SMG5: variants seen among roughly 807,000 people sequenced by gnomAD.
SMG5 encodes nonsense-mediated mRNA decay factor SMG5.
SMG5 carries 53 observed loss-of-function variants against 122.9 expected under a neutral mutation model. The observed-to-expected ratio is 0.43, with a 90% confidence interval of 0.35 to 0.54. SMG5 has a LOEUF of 0.54. Ranked by LOEUF, SMG5 falls within the 20% of genes least tolerant of loss-of-function variation. The pLI, the probability that SMG5 is intolerant of heterozygous loss-of-function variation, is 0.01. For synonymous variants in SMG5, 477 were observed against 490.2 expected (o/e 0.97, Z 0.35); for missense variants, 1,153 against 1,285.6 (o/e 0.90, Z 1.58).
chr1:156,272,800 G>A (rs1402372208), intron 6 of SMG5, among the ~76,000 whole-genome samples: 6 of 151,972 alleles, frequency 3.9e-5, no homozygotes, highest in African/African-American at 1.5e-4. Context: ...TCCTGACGTC[G>A]TGATCTGCCC....
chr1:156,282,541 A>T (rs1663003333), intron 1 of SMG5, 66 bp downstream of exon 1: 5 of 1,347,850 alleles, frequency 3.7e-6, no homozygotes, highest in African/African-American at 1.5e-5. Context: ...CCCGCCCGGG[A>T]GGCCCCGCCC....
At chr1:156,269,732 G>A (rs1295124100) in intron 7 of SMG5, among the ~76,000 whole-genome samples, 1 of 152,140 alleles carries the variant, frequency 6.6e-6, no homozygotes, top group Admixed American at 6.5e-5. Context: ...AAAATTAGCC[G>A]GGCGTGTTGG....
At chr1:156,277,690 C>T (rs10908493) in intron 3 of SMG5, among the ~76,000 whole-genome samples, 36,623 of 151,606 alleles carry the variant, frequency 0.24, 4,905 homozygotes, top group Non-Finnish European at 0.29. Context: ...TTTTGTATTT[C>T]TAGTAGAGAT....
Position 156,259,062 on chromosome 1 carries a change from G to A in SMG5, c.2385C>T (p.Ser795=). Residue 795 remains serine (S), a synonymous_variant, in exon 16 of 22, where the codon AGC becomes AGT. Transcript: ENST00000361813. ...GGCTCTCCTGCTCAGACTGGGCAATGCTGACGAAGATGCCAACCTCTGGGT... is the reference window on the plus strand; with the variant it reads ...GGCTCTCCTGCTCAGACTGGGCAATACTGACGAAGATGCCAACCTCTGGGT... ...QFNPEVGIFV[S]IAQSEQESLL... 6.2e-7 allele frequency: 1 copy of A among 1,613,224 alleles called. No individual in the cohort carries two copies. Among genetic ancestry groups the A allele is most frequent in the Non-Finnish European group, 8.5e-7 (1 of 1,179,686 alleles).
At chr1:156,254,562 GCCC>G (rs1404539471) in intron 16 of SMG5, among the ~76,000 whole-genome samples, 1 of 152,082 alleles carries the variant, frequency 6.6e-6, no homozygotes. Context: ...TCCTGCCTCA[GCCC>G]CCCAACTAGC....
At position 156,273,434 on chromosome 1, in the gene SMG5, T is replaced by C; in HGVS notation, c.561A>G (p.Glu187=). The C allele has an allele frequency of 1.2e-6, 2 of 1,614,006 alleles. No individual in the cohort carries two copies. Among genetic ancestry groups the C allele is most frequent in the South Asian group, 2.2e-5 (2 of 91,066 alleles). Residue 187 remains glutamate (E), a synonymous_variant, in exon 6 of 22, where the codon GAA becomes GAG. Transcript: ENST00000361813. ...GCAGCTCGGTATCTACGCCAGCTAA[T>C]TCATTCTGATATCGGGCTGCACAAG... ...YLGDLSRYQN[E]LAGVDTELLA...
At chr1:156,275,647 C>T (rs1053528303) in intron 4 of SMG5, among the ~76,000 whole-genome samples, 9 of 152,182 alleles carry the variant, frequency 5.9e-5, no homozygotes, top group Non-Finnish European at 8.8e-5. Flanking sequence ...TTTATAGACA[C>T]TTCTCAGTTG....
chr1:156,291,007 G>GT, the SMG5 span: 2 of 225,634 alleles, frequency 8.9e-6, no homozygotes, highest in Admixed American at 5.1e-5. Context: ...AGGTGTGGTG[G>GT]CCCGCATCTG....
rs568127096 is a variant in SMG5 at position 156,255,322 on chromosome 1, C to T, written c.2443-1814G>A. Among the ~76,000 whole-genome samples the T allele has an allele frequency of 3.3e-5, 5 of 151,272 alleles. No individual in the cohort carries two copies. The East Asian group carries it at 5.9e-4, about 18-fold the overall frequency. On this transcript the variant is annotated intron_variant, in intron 16 of 21. Transcript: ENST00000361813. ...TTGGGAGGCTGAGGCGGGTAGATCACGAGGTCAGGAGTTCGAGACCAGCCT... is the reference window on the plus strand; with the variant it reads ...TTGGGAGGCTGAGGCGGGTAGATCATGAGGTCAGGAGTTCGAGACCAGCCT...
upstream of SMG5, chr1:156,285,531 C>G: frequency 6.2e-7 from 1 of 1,614,214 alleles, no homozygotes; most frequent in Non-Finnish European, 8.5e-7. Flanking sequence ...CCAGAGCCCC[C>G]TGAGTCAGAA....
Position 156,267,635 on chromosome 1 carries a change from C to T in SMG5, c.952G>A (p.Glu318Lys). The T allele has an allele frequency of 6.2e-7, 1 of 1,612,800 alleles. No individual in the cohort carries two copies. Among genetic ancestry groups the T allele is most frequent in the South Asian group, 1.1e-5 (1 of 90,986 alleles). ...ELTSLCQSVLEDFNLCLFYLP... is the reference protein window; with the variant it reads ...ELTSLCQSVLKDFNLCLFYLP... ...TAGAAGAGGCAGAGGTTGAAGTCCTCCAGGACTGACTGGCAAAGTGAGGTC... is the reference window on the plus strand; with the variant it reads ...TAGAAGAGGCAGAGGTTGAAGTCCTTCAGGACTGACTGGCAAAGTGAGGTC... The change falls in exon 10 of 22, where the codon GAG becomes AAG. Residue 318 changes from glutamate to lysine, a missense_variant. By Grantham distance (56) the Glu-to-Lys change is moderately conservative (BLOSUM62 1). Around this residue, in one of 5 missense-constraint regions of SMG5, gnomAD observed 631 missense variants for 650.6 expected, o/e 0.97. Transcript: ENST00000361813.
chr1:156,272,168 TG>T, intron 7 of SMG5, 151 bp downstream of exon 7: 1 of 683,236 alleles, frequency 1.5e-6, no homozygotes, highest in East Asian at 2.8e-5. Flanking sequence ...AGCAGGGCTG[TG>T]TCAGAGTCCC....
At chr1:156,289,100 T>A in the SMG5 span, among the ~76,000 whole-genome samples, 1 of 152,210 alleles carries the variant, frequency 6.6e-6, no homozygotes, top group Non-Finnish European at 1.5e-5. Flanking sequence ...ATTAAGCAGT[T>A]TGTGCCTCAG....
intron 15 of SMG5, among the ~76,000 whole-genome samples, chr1:156,259,395 A>G (rs561400755): frequency 6.6e-6 from 1 of 152,318 alleles, no homozygotes; most frequent in African/African-American, 2.4e-5. Flanking sequence ...TCCTAGGAGG[A>G]CCAGAAAACC....
chr1:156,267,430 A>C, intron 10 of SMG5, 40 bp downstream of exon 10: 1 of 1,599,658 alleles, frequency 6.3e-7, no homozygotes, highest in Non-Finnish European at 8.6e-7. Context: ...AGGATCCCCA[A>C]AGCCAGTGGA....
the SMG5 span, among the ~76,000 whole-genome samples, chr1:156,287,952 T>C: frequency 6.6e-6 from 1 of 151,778 alleles, no homozygotes; most frequent in African/African-American, 2.4e-5. Context: ...TGCCATCACC[T>C]AAAATCCTTA....
At chr1:156,254,373 C>G (rs1233012359) in intron 16 of SMG5, among the ~76,000 whole-genome samples, 2 of 152,206 alleles carry the variant, frequency 1.3e-5, no homozygotes, top group Non-Finnish European at 2.9e-5. Flanking sequence ...TTAGTATGGT[C>G]TATAAGATGA....
intron 16 of SMG5, among the ~76,000 whole-genome samples, chr1:156,256,280 G>A (rs552432903): frequency 6.7e-6 from 1 of 150,046 alleles, no homozygotes; most frequent in South Asian, 2.1e-4. Flanking sequence ...GAAGCAGAAG[G>A]CCAGAGCCTA....
intron 7 of SMG5, 41 bp from the exon 8 acceptor site, chr1:156,268,456 G>A (rs1274728296): frequency 1.2e-6 from 2 of 1,607,190 alleles, no homozygotes; most frequent in Admixed American, 3.4e-5. Flanking sequence ...TTGGCAGGGG[G>A]AGGATATGTT....
Sources: gnomAD v4.1 joint callset for allele counts (sites outside exome capture counted in the v4.1 genomes callset) on GRCh38, gnomAD v4.1.1 for gene constraint, gnomAD v4.1.1 regional missense constraint, MANE v1.5 for transcripts, NCBI Gene and HGNC (gene_info 2026-07-23, HGNC 2026-07-21) for gene names.